Variants in ITGA4 observed in about 807,000 individuals in gnomAD.
The protein encoded by ITGA4 is integrin subunit alpha 4.
In ITGA4, 63 loss-of-function variants were observed where a neutral mutation model predicts 133.6. The ratio of observed to expected loss-of-function variants is 0.47; its 90% confidence interval spans 0.38 to 0.58. The LOEUF is 0.58. ITGA4 is among the 20% of genes least tolerant of loss of function. ITGA4 has a pLI of 0.00. For missense variants in ITGA4, 1,076 were observed against 1,252.7 expected, an observed-to-expected ratio of 0.86 and a Z score of 2.13; for synonymous variants, 483 against 438.0, an observed-to-expected ratio of 1.10 and a Z score of -1.28.
intron 2 of ITGA4, among the ~76,000 whole-genome samples, chr2:181,466,990 C>T (rs1333322827): frequency 2.0e-5 from 3 of 152,054 alleles, no homozygotes; most frequent in Non-Finnish European, 2.9e-5. Flanking sequence ...GTCATGTTCT[C>T]ATATTTGAAT....
In ITGA4 at chr2:181,481,507, C is replaced by T. The variant is rs866429122; in HGVS notation, c.755-91C>T. 3.9e-5 allele frequency: 20 copies of T among 516,200 alleles called. 1 individual carries two copies. The Middle Eastern group carries it at 2.1e-3, about 54-fold the overall frequency. 32.0% of individuals were successfully genotyped at this position (516,200 alleles called of 1,614,324 possible). Reference sequence around the variant, plus strand: ...CTGCTTAATGTAGTGATTTTGAATTCGGTATCATTTAATTTTATGATCTAT... The same window carrying T: ...CTGCTTAATGTAGTGATTTTGAATTTGGTATCATTTAATTTTATGATCTAT... On this transcript the variant is annotated intron_variant, in intron 6 of 27. Coordinates refer to ENST00000397033, the MANE Select transcript of ITGA4 (RefSeq NM_000885.6).
intron 15 of ITGA4, among the ~76,000 whole-genome samples, chr2:181,502,741 G>A (rs1267156407): frequency 6.6e-6 from 1 of 152,050 alleles, no homozygotes; most frequent in Non-Finnish European, 1.5e-5. Flanking sequence ...CAAAATACAG[G>A]ATGGTTGTCA....
intron 16 of ITGA4, among the ~76,000 whole-genome samples, chr2:181,510,290 T>A (rs918784560): frequency 6.6e-6 from 1 of 152,144 alleles, no homozygotes; most frequent in Non-Finnish European, 1.5e-5. Flanking sequence ...ATAATTTCTT[T>A]TTAAAAATTT....
At position 181,523,849 on chromosome 2, in the gene ITGA4, C is replaced by T. The variant is rs1686778699; in HGVS notation, c.2169+317C>T. Among the ~76,000 whole-genome samples the T allele has an allele frequency of 6.6e-6, 1 of 152,154 alleles. No homozygotes were observed. Among genetic ancestry groups the T allele is most frequent in the South Asian group, 2.1e-4 (1 of 4,832 alleles). ...GTGGTCCTGTCTGCCAGGCATGTTA[C>T]CTCTGCTATACAAAAAGGTGTTTTT... On this transcript the variant is annotated intron_variant, in intron 19 of 27. Coordinates refer to ENST00000397033, the MANE Select transcript of ITGA4 (RefSeq NM_000885.6). The surrounding 1 kb of genome is among the most constrained non-coding windows in gnomAD (Gnocchi z 4.2).
rs1312689449 is a variant in ITGA4 at position 181,457,787 on chromosome 2, C to T, written c.133C>T (p.Gln45Ter). ...NVDTESALLY[Q>*]GPHNTLFGYS... ...GGACACTGAGAGCGCGCTGCTTTAC[C>T]AGGGCCCCCACAACACGCTGTTCGG... The change falls in exon 1 of 28, where the codon CAG becomes TAG. Residue 45 changes from glutamine (Q) to a stop codon, truncating the protein, a stop_gained. Transcript: ENST00000397033. LOFTEE classifies it high-confidence loss of function. 1.9e-6 allele frequency: 3 copies of T among 1,613,740 alleles called. No individual in the cohort carries two copies. Among genetic ancestry groups the T allele is most frequent in the African/African-American group, 1.3e-5 (1 of 75,036 alleles).
At chr2:181,518,097 C>T (rs917761512) in intron 17 of ITGA4, among the ~76,000 whole-genome samples, 1 of 151,964 alleles carries the variant, frequency 6.6e-6, no homozygotes. Flanking sequence ...CACACACTTC[C>T]TCTCTCCCAT....
intron 5 of ITGA4, 154 bp downstream of exon 5, chr2:181,478,978 C>T (rs1559041539): frequency 4.8e-6 from 2 of 413,812 alleles, no homozygotes; most frequent in Admixed American, 4.2e-5. Flanking sequence ...TTTTGCCACT[C>T]AAAATTCCAC....
At chr2:181,515,608 G>C (rs1481372867) in intron 17 of ITGA4, among the ~76,000 whole-genome samples, 1 of 151,996 alleles carries the variant, frequency 6.6e-6, no homozygotes, top group Admixed American at 6.6e-5. Context: ...CATATTTTTT[G>C]TATCAACTAA....
intron 15 of ITGA4, 94 bp downstream of exon 15, chr2:181,498,871 G>A (rs1160544559): frequency 4.2e-6 from 6 of 1,441,724 alleles, no homozygotes; most frequent in Non-Finnish European, 5.5e-6. Flanking sequence ...ATAAAATGTA[G>A]ATAAAAGCAA....
At chr2:181,480,349 C>T in intron 6 of ITGA4, 83 bp downstream of exon 6, 1 of 757,046 alleles carries the variant, frequency 1.3e-6, no homozygotes, top group Non-Finnish European at 2.0e-6. Context: ...AATGTATTTT[C>T]CAAAGATCTA....
At position 181,478,900 on chromosome 2, in the gene ITGA4, T is replaced by C. The variant is rs571119471; in HGVS notation, c.624+76T>C. ...TTCTTCTCATGGTTTGGAAGACTGA[T>C]ATGTTTTAAAGTAAAAATTGTGTAA... is the stretch of plus-strand genomic sequence containing the variant. On this transcript the variant is annotated intron_variant, in intron 5 of 27. Transcript: ENST00000397033. 5 of 713,344 alleles carry C rather than the reference T, an allele frequency of 7.0e-6. No homozygotes were observed. In the South Asian group the frequency reaches 1.7e-4, roughly 25 times the overall value. The allele number at this position is 713,344 out of a possible 1,614,324, so 44.2% of individuals were successfully genotyped here. A position where few individuals can be genotyped will look rare whatever the true frequency, so the allele number is the denominator to read the frequency against.
In ITGA4 at chr2:181,480,281, G is replaced by A; in HGVS notation, c.754+15G>A. On this transcript the variant is annotated intron_variant, in intron 6 of 27. Transcript: ENST00000397033. ...AAGTTATTTAGGTACTATAAAAATTGACAAACTTAAATGATCTGTGCCTTA... is the reference window on the plus strand; with the variant it reads ...AAGTTATTTAGGTACTATAAAAATTAACAAACTTAAATGATCTGTGCCTTA... The A allele has an allele frequency of 7.5e-7, 1 of 1,338,484 alleles. No individual in the cohort carries two copies. The highest frequency in any genetic ancestry group is 1.6e-5 in the South Asian group (1 of 62,388). 82.9% of individuals were successfully genotyped at this position (1,338,484 alleles called of 1,614,324 possible).
At chr2:181,508,537 A>T (rs1253072851) in intron 15 of ITGA4, among the ~76,000 whole-genome samples, 1 of 151,970 alleles carries the variant, frequency 6.6e-6, no homozygotes, top group Admixed American at 6.6e-5. Context: ...CTTTACTAAA[A>T]ATACAAAAAT....
intron 15 of ITGA4, among the ~76,000 whole-genome samples, chr2:181,503,952 A>G (rs147242365): frequency 8.2e-4 from 125 of 152,198 alleles, no homozygotes; most frequent in African/African-American, 2.9e-3. Context: ...AGCAGTTTTT[A>G]GACATGTTAG....
intron 2 of ITGA4, among the ~76,000 whole-genome samples, chr2:181,465,677 C>A (rs1231158339): frequency 6.6e-6 from 1 of 152,066 alleles, no homozygotes. Flanking sequence ...TTTAAATATG[C>A]TCTTTTAATA....
At chr2:181,507,758 A>T (rs1324591022) in intron 15 of ITGA4, among the ~76,000 whole-genome samples, 1 of 152,146 alleles carries the variant, frequency 6.6e-6, no homozygotes, top group Non-Finnish European at 1.5e-5. Context: ...GGGAATAATG[A>T]CAAGAAAAAA....
At chr2:181,476,893 C>T (rs958822835) in intron 4 of ITGA4, among the ~76,000 whole-genome samples, 3 of 152,118 alleles carry the variant, frequency 2.0e-5, no homozygotes, top group African/African-American at 4.8e-5. Flanking sequence ...CACATGTTCT[C>T]ACTTATAAGT....
intron 22 of ITGA4, 84 bp from the exon 23 acceptor site, chr2:181,529,457 G>A (rs1432987341): frequency 4.6e-6 from 3 of 657,544 alleles, no homozygotes; most frequent in East Asian, 2.8e-5. Context: ...TGGAATATAC[G>A]GGATCACCTA....
Position 181,538,160 on chromosome 2 carries a change from A to G in ITGA4, c.*2633A>G, listed in dbSNP as rs766477875. The G allele has an allele frequency of 7.5e-6, 11 of 1,467,056 alleles. No individual in the cohort carries two copies. Among genetic ancestry groups the G allele is most frequent in the African/African-American group, 1.4e-5 (1 of 71,958 alleles). 90.9% of individuals were successfully genotyped at this position (1,467,056 alleles called of 1,614,324 possible). A position where few individuals can be genotyped will look rare whatever the true frequency, so the allele number is the denominator to read the frequency against. On this transcript the variant is annotated 3_prime_UTR_variant, in exon 28 of 28. Coordinates refer to ENST00000397033, the MANE Select transcript of ITGA4 (RefSeq NM_000885.6). The stretch of plus-strand genomic sequence containing the variant: ...TTTATATTAAAATTCTAGTTTGTAC[A>G]TTTCTTTTAGAAACAATTACATGTT...
Sources: allele counts gnomAD v4.1 joint callset (sites outside exome capture counted in the v4.1 genomes callset), GRCh38; gene constraint gnomAD v4.1.1; non-coding constraint Gnocchi (gnomAD v3.1); transcripts MANE v1.5; gene names NCBI Gene and HGNC (gene_info 2026-07-23, HGNC 2026-07-21).